Variants in ALKBH3 observed in about 807,000 individuals in gnomAD.
ALKBH3 encodes the protein alpha-ketoglutarate-dependent dioxygenase alkB homolog 3.
ALKBH3 carries 51 observed loss-of-function variants against 43.9 expected under a neutral mutation model. The ratio of observed to expected loss-of-function variants is 1.16; its 90% confidence interval spans 0.93 to 1.47. The LOEUF is 1.47. Ranked by LOEUF, ALKBH3 falls within the 40% of genes most tolerant of loss-of-function variation. ALKBH3 has a pLI of 0.00. For synonymous variants in ALKBH3, 102 were observed against 115.2 expected, an observed-to-expected ratio of 0.89 and a Z score of 0.73; for missense variants, 361 against 351.9, an observed-to-expected ratio of 1.03 and a Z score of -0.21.
chr11:43,898,411 A>C (rs1951835280), intron 7 of ALKBH3: 1 of 716,548 alleles, frequency 1.4e-6, no homozygotes, highest in African/African-American at 1.8e-5. Flanking sequence ...GAATTACTAC[A>C]CGGGAGGCTG....
intron 7 of ALKBH3, among the ~76,000 whole-genome samples, chr11:43,894,885 C>T (rs1209213288): frequency 2.2e-5 from 3 of 138,958 alleles, no homozygotes; most frequent in Non-Finnish European, 4.8e-5. Context: ...GTTTTTCTAC[C>T]ACAATAAAAA....
chr11:43,883,388 T>G lies in ALKBH3; in HGVS notation c.183+200T>G, dbSNP rs528800800. Among the ~76,000 whole-genome samples, 27 of 152,336 alleles carry G rather than the reference T, an allele frequency of 1.8e-4. No individual in the cohort carries two copies. In the South Asian group the frequency reaches 2.9e-3, roughly 16 times the overall value. On this transcript the variant is annotated intron_variant, in intron 3 of 9. Coordinates refer to ENST00000302708, the MANE Select transcript of ALKBH3 (RefSeq NM_139178.4). ...TTCGTAGTCTGCTCCCAGTTTATGGTCACATGTTATTCCCGTATTTTTGGC... is the reference window on the plus strand; with the variant it reads ...TTCGTAGTCTGCTCCCAGTTTATGGGCACATGTTATTCCCGTATTTTTGGC...
chr11:43,894,646 A>G (rs1486977492), intron 7 of ALKBH3, among the ~76,000 whole-genome samples: 1 of 152,200 alleles, frequency 6.6e-6, no homozygotes, highest in Non-Finnish European at 1.5e-5. Context: ...GATTCCCAGT[A>G]ACATTGGAGA....
chr11:43,915,215 GAAA>G (rs978733020), intron 8 of ALKBH3, among the ~76,000 whole-genome samples: 3 of 78,308 alleles, frequency 3.8e-5, no homozygotes, highest in Non-Finnish European at 5.6e-5. Context: ...CTCAAAAAAA[GAAA>G]AAAAAAAAAA....
chr11:43,901,069 C>G (rs1476330653), intron 7 of ALKBH3, among the ~76,000 whole-genome samples: 1 of 152,200 alleles, frequency 6.6e-6, no homozygotes, highest in African/African-American at 2.4e-5. Flanking sequence ...AGAGGGCCAC[C>G]CAGCAGGAAA....
chr11:43,889,593 T>C (rs1951769363), intron 5 of ALKBH3, 132 bp from the exon 6 acceptor site: 1 of 661,058 alleles, frequency 1.5e-6, no homozygotes, highest in African/African-American at 1.8e-5. Flanking sequence ...CTCTGCTTGC[T>C]GTGGGAGCTG....
In ALKBH3 at chr11:43,889,752, C is replaced by T. The variant is rs776482589; in HGVS notation, c.294C>T (p.Asp98=). The T allele has an allele frequency of 1.5e-5, 24 of 1,613,888 alleles. No homozygotes were observed. Among genetic ancestry groups the T allele is most frequent in the Admixed American group, 6.7e-5 (4 of 59,984 alleles). Residue 98 remains aspartate, a synonymous_variant, in exon 6 of 10, where the codon GAC becomes GAT. Transcript: ENST00000302708. ...TCTGTTTGTATCCTGGCTTTGTTGACGTGAAAGAAGCTGACTGGATATTGG... is the reference window on the plus strand; with the variant it reads ...TCTGTTTGTATCCTGGCTTTGTTGATGTGAAAGAAGCTGACTGGATATTGG... ...SRVCLYPGFV[D]VKEADWILEQ... is the part of the protein sequence containing the mutation.
intron 4 of ALKBH3, among the ~76,000 whole-genome samples, chr11:43,885,537 C>T (rs187477761): frequency 4.6e-5 from 7 of 152,314 alleles, no homozygotes; most frequent in South Asian, 2.1e-4. Flanking sequence ...TTCTCTATAA[C>T]GTGTCTCTCT....
At chr11:43,883,906 A>T in intron 3 of ALKBH3, 77 bp from the exon 4 acceptor site, 1 of 1,554,854 alleles carries the variant, frequency 6.4e-7, no homozygotes, top group Non-Finnish European at 8.8e-7. Context: ...TTTGACCAGA[A>T]ATGGGAAGAT....
intron 8 of ALKBH3, chr11:43,912,431 C>T (rs914391279): frequency 4.6e-5 from 7 of 152,292 alleles, no homozygotes; most frequent in Admixed American, 3.3e-4. Context: ...TTTCCTGATG[C>T]CTCCAGTGCA....
At chr11:43,898,223 G>T in intron 7 of ALKBH3, 1 of 1,006,096 alleles carries the variant, frequency 9.9e-7, no homozygotes. Flanking sequence ...CTTCACGGGT[G>T]GCTCCAGGAG....
At chr11:43,905,124 C>T (rs761995687) in intron 8 of ALKBH3, among the ~76,000 whole-genome samples, 8 of 152,156 alleles carry the variant, frequency 5.3e-5, no homozygotes, top group Non-Finnish European at 8.8e-5. Flanking sequence ...GACAGAAAAG[C>T]GTCTGTTTTG....
At chr11:43,912,436 A>G (rs1483605959) in intron 8 of ALKBH3, 1 of 152,204 alleles carries the variant, frequency 6.6e-6, no homozygotes. Context: ...TGATGCCTCC[A>G]GTGCAGAAAT....
At chr11:43,885,482 A>G (rs1463158766) in intron 4 of ALKBH3, among the ~76,000 whole-genome samples, 1 of 152,192 alleles carries the variant, frequency 6.6e-6, no homozygotes, top group Non-Finnish European at 1.5e-5. Context: ...ATCATGAACC[A>G]CTAACTCCCA....
chr11:43,892,250 T>C, intron 7 of ALKBH3, 121 bp downstream of exon 7: 1 of 809,702 alleles, frequency 1.2e-6, no homozygotes, highest in Non-Finnish European at 1.9e-6. Context: ...AAAAAACCTC[T>C]CTGGGTTGAA....
chr11:43,886,577 T>C (rs1483938276), intron 4 of ALKBH3, 29 bp from the exon 5 acceptor site: 2 of 1,613,280 alleles, frequency 1.2e-6, no homozygotes, highest in Admixed American at 3.3e-5. Flanking sequence ...TGCCTCAAAC[T>C]AACAAGTCTG....
At chr11:43,883,505 T>C (rs1951727969) in intron 3 of ALKBH3, among the ~76,000 whole-genome samples, 1 of 152,190 alleles carries the variant, frequency 6.6e-6, no homozygotes, top group Admixed American at 6.5e-5. Flanking sequence ...CTATTGCACT[T>C]CACCATCTTT....
chr11:43,901,432 C>T (rs553180477), intron 7 of ALKBH3, 84 bp from the exon 8 acceptor site: 8 of 1,522,836 alleles, frequency 5.3e-6, no homozygotes, highest in Non-Finnish European at 6.3e-6. Context: ...GCTGATTTTG[C>T]CCTTTCTTTT....
At chr11:43,899,029 C>CA in intron 7 of ALKBH3, 1 of 751,072 alleles carries the variant, frequency 1.3e-6, no homozygotes, top group Non-Finnish European at 2.5e-6. Context: ...AAAGGAGCCC[C>CA]ACACAAGATT....
Sources: allele counts gnomAD v4.1 joint callset (sites outside exome capture counted in the v4.1 genomes callset), GRCh38; gene constraint gnomAD v4.1.1; transcripts MANE v1.5; gene names NCBI Gene and HGNC (gene_info 2026-07-23, HGNC 2026-07-21).